PMM2: variants seen among roughly 807,000 people sequenced by gnomAD.
PMM2 encodes the protein mannose-6-phosphate isomerase.
PMM2 carries 35 observed loss-of-function variants against 33.2 expected under a neutral mutation model. That is an observed-to-expected ratio of 1.06 (90% CI 0.81 to 1.40). The LOEUF is 1.40. PMM2 is among the 40% of genes most tolerant of loss of function. The pLI is 0.00. For synonymous variants in PMM2, 153 were observed against 114.7 expected, an observed-to-expected ratio of 1.33 and a Z score of -2.13; for missense variants, 386 against 306.0, an observed-to-expected ratio of 1.26 and a Z score of -1.95.
intron 7 of PMM2, among the ~76,000 whole-genome samples, chr16:8,840,150 G>C (rs1000994361): frequency 6.6e-6 from 1 of 151,828 alleles, no homozygotes; most frequent in African/African-American, 2.4e-5. Flanking sequence ...GAAGCGGCTA[G>C]GAGAGAATGG....
chr16:8,843,135 A>C (rs1057297688), intron 7 of PMM2, among the ~76,000 whole-genome samples: 1 of 152,178 alleles, frequency 6.6e-6, no homozygotes, highest in African/African-American at 2.4e-5. Flanking sequence ...AGTTGGCACC[A>C]GAGTTGGGGA....
chr16:8,834,397 A>T (rs1451096168), intron 7 of PMM2, among the ~76,000 whole-genome samples: 3 of 151,984 alleles, frequency 2.0e-5, no homozygotes, highest in East Asian at 3.9e-4. Flanking sequence ...TAAACTGAGG[A>T]ATTATGTCTG....
At chr16:8,846,408 T>G (rs139318401) in intron 7 of PMM2, among the ~76,000 whole-genome samples, 3 of 152,310 alleles carry the variant, frequency 2.0e-5, no homozygotes, top group African/African-American at 7.2e-5. Context: ...TTTAAGGTTT[T>G]GAGTTAGAGT....
At chr16:8,841,571 C>T (rs1359129790) in intron 7 of PMM2, among the ~76,000 whole-genome samples, 237 of 143,154 alleles carry the variant, frequency 1.7e-3, no homozygotes, top group Middle Eastern at 3.5e-3. Context: ...TAGATTTCCA[C>T]GATGGAAAGG....
intron 1 of PMM2, among the ~76,000 whole-genome samples, chr16:8,801,514 T>TA (rs1313053224): frequency 6.6e-6 from 1 of 151,984 alleles, no homozygotes; most frequent in African/African-American, 2.4e-5. Flanking sequence ...CTACAAAATA[T>TA]AAAAAAATTA....
chr16:8,843,325 G>T (rs960029359), intron 7 of PMM2, among the ~76,000 whole-genome samples: 1 of 152,154 alleles, frequency 6.6e-6, no homozygotes, highest in Non-Finnish European at 1.5e-5. Context: ...TGGTCTGGGG[G>T]CTTCCAAGGC....
At chr16:8,814,246 C>T (rs1262908938) in intron 7 of PMM2, among the ~76,000 whole-genome samples, 1 of 152,104 alleles carries the variant, frequency 6.6e-6, no homozygotes, top group Non-Finnish European at 1.5e-5. Flanking sequence ...CCCACCTCGG[C>T]CTCTCAGTTC....
At chr16:8,842,467 C>G (rs1596506173) in intron 7 of PMM2, 1 of 152,216 alleles carries the variant, frequency 6.6e-6, no homozygotes, top group Non-Finnish European at 1.5e-5. Context: ...CTTGTGGCAG[C>G]ACAGCCCAGG....
At position 8,848,845 on chromosome 16, in the gene PMM2, C is replaced by T. The variant is rs1375733398; in HGVS notation, c.*1020C>T. The T allele has an allele frequency of 1.3e-5, 2 of 152,266 alleles. No homozygotes were observed. The highest frequency in any genetic ancestry group is 1.9e-4 in the East Asian group (1 of 5,204). The allele number at this position is 152,266 out of a possible 1,614,324, so 9.4% of individuals were successfully genotyped here. A position where few individuals can be genotyped will look rare whatever the true frequency, so the allele number is the denominator to read the frequency against. On this transcript the variant is annotated 3_prime_UTR_variant, in exon 8 of 8. Transcript: ENST00000268261. ...CCACGGAGGCGGCTGAGTGCAGCTACAGCTAGGTCCGCGTCCCTCACTCTT... is the reference window on the plus strand; with the variant it reads ...CCACGGAGGCGGCTGAGTGCAGCTATAGCTAGGTCCGCGTCCCTCACTCTT...
At chr16:8,827,488 C>T (rs1002529194) in intron 7 of PMM2, among the ~76,000 whole-genome samples, 7 of 150,142 alleles carry the variant, frequency 4.7e-5, no homozygotes, top group Non-Finnish European at 7.4e-5. Context: ...CTCTGCCTCC[C>T]GGGTTCAAGT....
chr16:8,836,696 C>T lies in PMM2; in HGVS notation c.640-11028C>T, dbSNP rs183903561. Among the ~76,000 whole-genome samples the T allele has an allele frequency of 5.9e-5, 9 of 151,944 alleles. No individual in the cohort carries two copies. The East Asian group carries it at 1.5e-3, about 26-fold the overall frequency. On this transcript the variant is annotated intron_variant, in intron 7 of 7. Transcript: ENST00000268261. ...TAATTTTTGGAGTTTTATTTAATGT[C>T]GGGAGCAGATTGGGTAATAAAATGT...
chr16:8,822,484 T>G (rs74008082), intron 7 of PMM2, among the ~76,000 whole-genome samples: 5,066 of 152,262 alleles, frequency 0.033, 156 homozygotes, highest in African/African-American at 0.084. Flanking sequence ...AAAGTTAAAC[T>G]ATAAACTGAA....
At position 8,844,111 on chromosome 16, in the gene PMM2, G is replaced by C. The variant is rs181014568; in HGVS notation, c.640-3613G>C. Among the ~76,000 whole-genome samples the C allele has an allele frequency of 6.2e-3, 945 of 152,308 alleles. 11 individuals are homozygous for C. The highest frequency in any genetic ancestry group is 0.015 in the Admixed American group (227 of 15,298). ...CTTGCAGGATGGAAAAATTGAAAGT[G>C]CCGTTTTCTGGCTATTTGGAACTAC... On this transcript the variant is annotated intron_variant, in intron 7 of 7. Coordinates refer to ENST00000268261, the MANE Select transcript of PMM2 (RefSeq NM_000303.3).
At chr16:8,827,855 A>G (rs1334930647) in intron 7 of PMM2, among the ~76,000 whole-genome samples, 3 of 111,602 alleles carry the variant, frequency 2.7e-5, no homozygotes, top group Non-Finnish European at 5.3e-5. Context: ...TATAATATAT[A>G]TGTTATATAT....
chr16:8,828,548 C>G (rs1450364164), intron 7 of PMM2, among the ~76,000 whole-genome samples: 2 of 152,154 alleles, frequency 1.3e-5, no homozygotes, highest in African/African-American at 4.8e-5. Flanking sequence ...AGACCAGCTA[C>G]CGACATGAAC....
intron 3 of PMM2, 72 bp from the exon 4 acceptor site, chr16:8,806,244 C>T: frequency 1.0e-6 from 1 of 968,558 alleles, no homozygotes; most frequent in Non-Finnish European, 1.7e-6. Context: ...GCTGAAGACC[C>T]TGGGTTTGCT....
Position 8,813,053 on chromosome 16 carries a change from G to C in PMM2, c.586G>C (p.Val196Leu), listed in dbSNP as rs547216044. Residue 196 changes from valine (V) to leucine (L), a missense_variant, in exon 7 of 8, where the codon GTG becomes CTG. Physicochemically the swap from Val to Leu is conservative, Grantham distance 32. Transcript: ENST00000268261. ...GWDKRYCLRH[V>L]ENDGYKTIYF... ...GGACAAGAGATACTGTCTGCGACAT[G>C]TGGAAAATGACGGTTATAAGACCAT... 1 of 1,613,570 alleles carries C rather than the reference G, an allele frequency of 6.2e-7. No individual in the cohort carries two copies. The highest frequency in any genetic ancestry group is 1.3e-5 in the African/African-American group (1 of 74,932).
chr16:8,802,076 T>A lies in PMM2; in HGVS notation c.178+166T>A, dbSNP rs1440743498. 4.9e-6 allele frequency: 3 copies of A among 615,068 alleles called. No homozygotes were observed. In the African/African-American group the frequency reaches 5.5e-5, roughly 11 times the overall value. The allele number at this position is 615,068 out of a possible 1,614,324, so 38.1% of individuals were successfully genotyped here. A position where few individuals can be genotyped will look rare whatever the true frequency, so the allele number is the denominator to read the frequency against. On this transcript the variant is annotated intron_variant, in intron 2 of 7. Coordinates refer to ENST00000268261, the MANE Select transcript of PMM2 (RefSeq NM_000303.3). ...GCCTTTGCTTTTCCTCTGCTTTTAA[T>A]CCAGTACATTTCTGGAGTTACTGAT...
At chr16:8,824,769 G>T (rs1249974626) in intron 7 of PMM2, among the ~76,000 whole-genome samples, 1 of 151,834 alleles carries the variant, frequency 6.6e-6, no homozygotes, top group Non-Finnish European at 1.5e-5. Flanking sequence ...AATTCATTTA[G>T]CCACAATGAT....
Sources: allele counts gnomAD v4.1 joint callset (sites outside exome capture counted in the v4.1 genomes callset), GRCh38; gene constraint gnomAD v4.1.1; transcripts MANE v1.5; gene names NCBI Gene and HGNC (gene_info 2026-07-23, HGNC 2026-07-21).